The following PPP3CC variants were observed in gnomAD, a reference collection of about 807,000 sequenced individuals.
PPP3CC encodes the protein protein phosphatase 3 catalytic subunit gamma.
A neutral mutation model predicts 60.3 loss-of-function variants in PPP3CC; 35 were observed. The observed-to-expected ratio is 0.58, with a 90% confidence interval of 0.44 to 0.77. The LOEUF is 0.77. PPP3CC is among the 30% of genes least tolerant of loss of function. PPP3CC has a pLI of 0.00. For missense variants in PPP3CC, 570 were observed against 628.9 expected, an observed-to-expected ratio of 0.91 and a Z score of 1.00; for synonymous variants, 206 against 224.3, an observed-to-expected ratio of 0.92 and a Z score of 0.73.
At chr8:22,446,189 A>G (rs886308035) in intron 1 of PPP3CC, among the ~76,000 whole-genome samples, 1 of 152,196 alleles carries the variant, frequency 6.6e-6, no homozygotes. Flanking sequence ...TTACAAATTT[A>G]GCACCCACAT....
At chr8:22,514,801 C>T (rs1839197795) in intron 6 of PPP3CC, among the ~76,000 whole-genome samples, 1 of 151,320 alleles carries the variant, frequency 6.6e-6, no homozygotes, top group African/African-American at 2.4e-5. Context: ...CTGCCTCAGC[C>T]TCCTGAGTAC....
At chr8:22,531,358 A>G (rs1436586986) in intron 10 of PPP3CC, 2 of 1,510,680 alleles carry the variant, frequency 1.3e-6, no homozygotes, top group South Asian at 1.2e-5. Flanking sequence ...TAAGAGCTTA[A>G]TGCTTACTCT....
At chr8:22,523,462 G>A (rs1839462096) in intron 8 of PPP3CC, among the ~76,000 whole-genome samples, 1 of 152,004 alleles carries the variant, frequency 6.6e-6, no homozygotes, top group Non-Finnish European at 1.5e-5. Flanking sequence ...TAACTATTTT[G>A]TTGTTTATAA....
At chr8:22,489,677 T>G (rs1482304598) in intron 3 of PPP3CC, among the ~76,000 whole-genome samples, 1 of 138,698 alleles carries the variant, frequency 7.2e-6, no homozygotes, top group African/African-American at 2.7e-5. Context: ...TATAAGTATA[T>G]ATTATATATA....
intron 4 of PPP3CC, among the ~76,000 whole-genome samples, chr8:22,500,830 G>C (rs185061890): frequency 2.6e-5 from 4 of 152,296 alleles, no homozygotes; most frequent in Admixed American, 1.3e-4. Context: ...TAATTACCAG[G>C]AAGTTTTAAA....
intron 6 of PPP3CC, 58 bp downstream of exon 6, chr8:22,513,490 A>G (rs1839152462): frequency 6.7e-7 from 1 of 1,489,820 alleles, no homozygotes; most frequent in East Asian, 2.4e-5. Flanking sequence ...ATTTTATCAG[A>G]TGATTTTTCA....
intron 4 of PPP3CC, among the ~76,000 whole-genome samples, chr8:22,509,888 G>T (rs1839031373): frequency 1.3e-5 from 2 of 151,968 alleles, no homozygotes; most frequent in Non-Finnish European, 1.5e-5. Context: ...TCAATTTTCT[G>T]TAAAAACGAG....
intron 4 of PPP3CC, among the ~76,000 whole-genome samples, chr8:22,508,362 T>A (rs941429332): frequency 6.6e-6 from 1 of 152,166 alleles, no homozygotes; most frequent in African/African-American, 2.4e-5. Flanking sequence ...ATAGATACCA[T>A]TGTCAGTCTA....
intron 4 of PPP3CC, among the ~76,000 whole-genome samples, chr8:22,508,128 C>T (rs1259537355): frequency 6.6e-5 from 10 of 152,004 alleles, no homozygotes; most frequent in East Asian, 3.9e-4. Flanking sequence ...TGGTGGTGTG[C>T]GCTTGTAGTC....
At chr8:22,444,000 G>A (rs559384912) in intron 1 of PPP3CC, among the ~76,000 whole-genome samples, 1 of 152,328 alleles carries the variant, frequency 6.6e-6, no homozygotes, top group East Asian at 1.9e-4. Flanking sequence ...TAACTTTAAA[G>A]TGTACCTAAT....
intron 1 of PPP3CC, among the ~76,000 whole-genome samples, chr8:22,458,274 C>T (rs530347965): frequency 3.3e-5 from 5 of 151,982 alleles, no homozygotes; most frequent in Non-Finnish European, 7.4e-5. Context: ...ATCCTTCTAG[C>T]TCTTTGATAC....
At chr8:22,537,782 AAAG>A (rs1386739471) in intron 12 of PPP3CC, among the ~76,000 whole-genome samples, 1 of 152,220 alleles carries the variant, frequency 6.6e-6, no homozygotes, top group Non-Finnish European at 1.5e-5. Context: ...ATGCTAAGTG[AAAG>A]AAGTCAGTCA....
chr8:22,487,879 A>G (rs1309058589), intron 3 of PPP3CC, among the ~76,000 whole-genome samples: 2 of 152,272 alleles, frequency 1.3e-5, no homozygotes, highest in East Asian at 3.8e-4. Flanking sequence ...GAGGCAGAGT[A>G]AAAATTCTGT....
chr8:22,452,983 T>G (rs1212493918), intron 1 of PPP3CC, among the ~76,000 whole-genome samples: 1 of 152,206 alleles, frequency 6.6e-6, no homozygotes, highest in Non-Finnish European at 1.5e-5. Flanking sequence ...AACACACGCT[T>G]AGGTGCTTAG....
chr8:22,482,692 A>G (rs1376289217), intron 3 of PPP3CC, among the ~76,000 whole-genome samples: 1 of 152,222 alleles, frequency 6.6e-6, no homozygotes, highest in Non-Finnish European at 1.5e-5. Context: ...CTTCTGTAGT[A>G]TGATTGTTTC....
In PPP3CC at chr8:22,452,542, T is replaced by G. The variant is rs1837067017; in HGVS notation, c.49+11084T>G. On this transcript the variant is annotated intron_variant, in intron 1 of 13. Coordinates refer to ENST00000240139, the MANE Select transcript of PPP3CC (RefSeq NM_005605.5). The stretch of plus-strand genomic sequence containing the variant: ...ATGGAGTCTTGCTCTGTTAGCCGGC[T>G]GAAGAAGTGCAGTGGCACCATCATA... Among the ~76,000 whole-genome samples, 3 of 152,124 alleles carry G rather than the reference T, an allele frequency of 2.0e-5. No individual in the cohort carries two copies. The South Asian group carries it at 6.2e-4, about 32-fold the overall frequency.
intron 6 of PPP3CC, among the ~76,000 whole-genome samples, chr8:22,519,915 C>G (rs1473874216): frequency 2.3e-5 from 3 of 132,948 alleles, no homozygotes; most frequent in Non-Finnish European, 5.0e-5. Context: ...CTCAGCTTCC[C>G]AGAGTGCTGG....
intron 4 of PPP3CC, among the ~76,000 whole-genome samples, chr8:22,498,888 G>A (rs1182137082): frequency 4.6e-5 from 7 of 151,996 alleles, no homozygotes; most frequent in African/African-American, 1.7e-4. Context: ...ACTTTGGGAG[G>A]CCAAGGCAGG....
chr8:22,449,960 G>A (rs1261744749), intron 1 of PPP3CC, among the ~76,000 whole-genome samples: 2 of 150,512 alleles, frequency 1.3e-5, no homozygotes, highest in Non-Finnish European at 2.9e-5. Context: ...TCTGTCTCCC[G>A]GGTTCAAGTG....
Sources: allele counts gnomAD v4.1 joint callset (sites outside exome capture counted in the v4.1 genomes callset), GRCh38; gene constraint gnomAD v4.1.1; transcripts MANE v1.5; gene names NCBI Gene and HGNC (gene_info 2026-07-23, HGNC 2026-07-21).